Variants in RPN2 observed in about 807,000 individuals in gnomAD.
RPN2 encodes ribophorin II, also known as dolichyl-diphosphooligosaccharide--protein glycosyltransferase subunit 2.
Under a neutral mutation model 71.4 loss-of-function variants are expected in RPN2, and 29 were observed. That is an observed-to-expected ratio of 0.41 (90% confidence interval 0.30 to 0.55). RPN2 has a LOEUF of 0.55. Ranked by LOEUF, RPN2 falls within the 20% of genes least tolerant of loss-of-function variation. The probability of loss-of-function intolerance (pLI) is 0.35; values close to 1 mark genes in which losing one functional copy is unlikely to be tolerated. For missense variants in RPN2, 726 were observed against 774.1 expected, an observed-to-expected ratio of 0.94 and a Z score of 0.74; for synonymous variants, 308 against 305.0, an observed-to-expected ratio of 1.01 and a Z score of -0.10.
At chr20:37,218,192 G>A (rs2067864787) in intron 9 of RPN2, among the ~76,000 whole-genome samples, 1 of 152,134 alleles carries the variant, frequency 6.6e-6, no homozygotes, top group Non-Finnish European at 1.5e-5. Flanking sequence ...TGGGAGGATC[G>A]CTTGAGCCCA....
At chr20:37,191,841 G>A (rs2067147924) in intron 2 of RPN2, among the ~76,000 whole-genome samples, 1 of 152,130 alleles carries the variant, frequency 6.6e-6, no homozygotes, top group Admixed American at 6.5e-5. Context: ...CAGCACTTTG[G>A]GAGGCTGGGG....
intron 7 of RPN2, 98 bp downstream of exon 7, chr20:37,207,547 A>G (rs1192497168): frequency 2.7e-6 from 3 of 1,111,926 alleles, no homozygotes; most frequent in African/African-American, 1.5e-5. Flanking sequence ...TACAGCCCCT[A>G]CAAGGACATA....
intron 7 of RPN2, among the ~76,000 whole-genome samples, chr20:37,208,267 T>TAAAAAAAA (rs33943502): frequency 1.6e-4 from 22 of 141,566 alleles, no homozygotes; most frequent in African/African-American, 5.5e-4. Flanking sequence ...AGACCCTGTC[T>TAAAAAAAA]AAAAAAAAAA....
intron 2 of RPN2, among the ~76,000 whole-genome samples, chr20:37,185,944 TC>T (rs1600734071): frequency 2.0e-5 from 3 of 152,344 alleles, no homozygotes; most frequent in South Asian, 2.1e-4. Context: ...ATTCATGTTG[TC>T]GTATTGTCAG....
At chr20:37,182,104 A>AT (rs34981997) in intron 1 of RPN2, among the ~76,000 whole-genome samples, 2 of 151,278 alleles carry the variant, frequency 1.3e-5, no homozygotes, top group African/African-American at 2.4e-5. Context: ...ATTTATTTTT[A>AT]TTTTTTTGAG....
intron 2 of RPN2, among the ~76,000 whole-genome samples, chr20:37,189,341 G>A (rs2067088702): frequency 6.6e-6 from 1 of 150,618 alleles, no homozygotes; most frequent in South Asian, 2.1e-4. Flanking sequence ...GTGTGTGTGT[G>A]TGTGTGTGTG....
chr20:37,208,875 G>T (rs2067584955), intron 7 of RPN2, among the ~76,000 whole-genome samples: 1 of 152,104 alleles, frequency 6.6e-6, no homozygotes. Context: ...TTCTACTTTG[G>T]TGGCCCCTGC....
chr20:37,235,072 T>C (rs772995138), intron 15 of RPN2, among the ~76,000 whole-genome samples: 1 of 152,212 alleles, frequency 6.6e-6, no homozygotes, highest in East Asian at 1.9e-4. Flanking sequence ...CATAGATAAG[T>C]CTCTTGAAAT....
chr20:37,204,891 C>T lies in RPN2; in HGVS notation c.680C>T (p.Ser227Phe). 1 of 1,614,128 alleles carries T rather than the reference C, an allele frequency of 6.2e-7. No individual in the cohort carries two copies. Among genetic ancestry groups the T allele is most frequent in the Non-Finnish European group, 8.5e-7 (1 of 1,180,036 alleles). The change falls in exon 6 of 17, where the codon TCC becomes TTC. Residue 227 changes from serine (S) to phenylalanine (F), a missense_variant. Physicochemically the swap from Ser to Phe is radical, Grantham distance 155 (BLOSUM62 -2). Coordinates refer to ENST00000237530, the MANE Select transcript of RPN2 (RefSeq NM_002951.5). ...KLMDHVGTEPSIKEDQVIQLM... is the reference protein window; with the variant it reads ...KLMDHVGTEPFIKEDQVIQLM... ...ATGGATCATGTGGGGACTGAGCCATCCATTAAGGAGGTACCTATCTAACAA... is the reference window on the plus strand; with the variant it reads ...ATGGATCATGTGGGGACTGAGCCATTCATTAAGGAGGTACCTATCTAACAA...
At chr20:37,200,550 T>G in intron 4 of RPN2, 1 of 513,502 alleles carries the variant, frequency 1.9e-6, no homozygotes, top group Admixed American at 2.2e-5. Context: ...CAGGTTTTTT[T>G]GTTTGTTTTT....
rs373682228 is a variant in RPN2 at position 37,187,635 on chromosome 20, A to T, written c.207+3262A>T. 1.8e-4 allele frequency among the ~76,000 whole-genome samples: 27 copies of T among 146,450 alleles called. No individual in the cohort carries two copies. The East Asian group carries it at 3.2e-3, about 17-fold the overall frequency. On this transcript the variant is annotated intron_variant, in intron 2 of 16. Transcript: ENST00000237530. ...TTTTCCTGTCTTATTTTTATATTTT[A>T]TTTTGTTTTATTTTATTTTTTTGAG...
intron 1 of RPN2, among the ~76,000 whole-genome samples, chr20:37,179,755 CCTT>C (rs962648629): frequency 2.6e-5 from 4 of 152,244 alleles, no homozygotes; most frequent in East Asian, 1.9e-4. Flanking sequence ...GGCAGATTGT[CCTT>C]CTTTGTGCTG....
At chr20:37,189,257 C>T (rs1197298799) in intron 2 of RPN2, among the ~76,000 whole-genome samples, 2 of 151,826 alleles carry the variant, frequency 1.3e-5, no homozygotes, top group Non-Finnish European at 2.9e-5. Context: ...CAATCCATTT[C>T]AATTGTTATC....
At chr20:37,209,420 A>G (rs1482636195) in intron 7 of RPN2, among the ~76,000 whole-genome samples, 1 of 151,960 alleles carries the variant, frequency 6.6e-6, no homozygotes, top group Admixed American at 6.6e-5. Context: ...CGGCCTCCCA[A>G]AGTACTGCAA....
intron 16 of RPN2, among the ~76,000 whole-genome samples, chr20:37,237,929 T>C (rs2068446161): frequency 1.3e-5 from 2 of 152,226 alleles, no homozygotes; most frequent in South Asian, 4.1e-4. Flanking sequence ...TGGTGGCTTA[T>C]GCCTATAATC....
chr20:37,194,324 C>A (rs532848024), intron 2 of RPN2, among the ~76,000 whole-genome samples: 2 of 152,142 alleles, frequency 1.3e-5, no homozygotes, highest in South Asian at 4.1e-4. Context: ...TGCTGTGGCT[C>A]GATCTCGGCT....
intron 11 of RPN2, among the ~76,000 whole-genome samples, chr20:37,226,355 GCA>G (rs1359346684): frequency 6.6e-6 from 1 of 152,106 alleles, no homozygotes; most frequent in Non-Finnish European, 1.5e-5. Flanking sequence ...TATAAGCATG[GCA>G]CTAGACTCGA....
intron 15 of RPN2, 72 bp downstream of exon 15, chr20:37,234,167 A>G (rs2068322313): frequency 1.4e-6 from 2 of 1,430,414 alleles, no homozygotes; most frequent in Admixed American, 1.8e-5. Context: ...AAGCCCTGTT[A>G]AGTAGACCCA....
chr20:37,200,681 A>G (rs1283670195), intron 4 of RPN2, among the ~76,000 whole-genome samples: 1 of 152,068 alleles, frequency 6.6e-6, no homozygotes, highest in South Asian at 2.1e-4. Context: ...CACATGGTCA[A>G]TCATCAGTGA....
Sources: gnomAD v4.1 joint callset for allele counts (sites outside exome capture counted in the v4.1 genomes callset) on GRCh38, gnomAD v4.1.1 for gene constraint, MANE v1.5 for transcripts, NCBI Gene and HGNC (gene_info 2026-07-23, HGNC 2026-07-21) for gene names.